GPATCH1: variants seen among roughly 807,000 people sequenced by gnomAD.
GPATCH1 encodes the protein G patch domain-containing protein 1.
A neutral mutation model predicts 114.9 loss-of-function variants in GPATCH1; 73 were observed. The ratio of observed to expected loss-of-function variants is 0.64; its 90% CI spans 0.53 to 0.77. The LOEUF is 0.77. Ranked by LOEUF, GPATCH1 falls within the 30% of genes least tolerant of loss-of-function variation. The pLI is 0.00. For missense variants in GPATCH1, 1,058 were observed against 1,144.3 expected (o/e 0.92, Z 1.09); for synonymous variants, 391 against 428.4 (o/e 0.91, Z 1.08).
In GPATCH1 at chr19:33,096,400, G is replaced by A; in HGVS notation, c.806G>A (p.Gly269Glu). 1 of 1,613,980 alleles carries A rather than the reference G, an allele frequency of 6.2e-7. No homozygotes were observed. Among genetic ancestry groups the A allele is most frequent in the Non-Finnish European group, 8.5e-7 (1 of 1,179,860 alleles). The change falls in exon 7 of 20, where the codon GGA (glycine) becomes GAA (glutamate). Residue 269 changes from glycine (G) to glutamate (E), a missense_variant. Transcript: ENST00000170564. ...GGTTCTGAGAGAGCTGGCGATCTTG[G>A]AGAAATTGGACTGAATAAAGGAAGA... is the stretch of plus-strand genomic sequence containing the variant. Reference protein sequence around the residue: ...SGGSERAGDLGEIGLNKGRKL... With the variant: ...SGGSERAGDLEEIGLNKGRKL...
At chr19:33,110,973 T>C (rs997643523) in intron 11 of GPATCH1, among the ~76,000 whole-genome samples, 2 of 148,834 alleles carry the variant, frequency 1.3e-5, no homozygotes, top group African/African-American at 4.9e-5. Context: ...AAAAAAGATA[T>C]ATATGTATAT....
intron 1 of GPATCH1, among the ~76,000 whole-genome samples, chr19:33,086,600 T>A (rs1219442521): frequency 6.6e-6 from 1 of 152,064 alleles, no homozygotes; most frequent in Non-Finnish European, 1.5e-5. Context: ...CGAGTAGTTC[T>A]GCCTGCCACC....
In GPATCH1 at chr19:33,088,030, A is replaced by G. The variant is rs907867417; in HGVS notation, c.74-104A>G. On this transcript the variant is annotated intron_variant, in intron 1 of 19. Coordinates refer to ENST00000170564, the MANE Select transcript of GPATCH1 (RefSeq NM_018025.3). ...TAAATGATTATATTTGAATTATAAG[A>G]AGTAAACAATTTATGATATTTAAAA... 1.6e-5 allele frequency: 10 copies of G among 609,264 alleles called. No individual in the cohort carries two copies. The African/African-American group carries it at 1.9e-4, about 11-fold the overall frequency. The allele number at this position is 609,264 out of a possible 1,614,324, so 37.7% of individuals were successfully genotyped here.
chr19:33,085,016 C>T (rs1343159848), intron 1 of GPATCH1, among the ~76,000 whole-genome samples: 1 of 146,350 alleles, frequency 6.8e-6, no homozygotes, highest in Non-Finnish European at 1.5e-5. Context: ...GGCTCTGTGT[C>T]CCTATCTGCA....
intron 19 of GPATCH1, among the ~76,000 whole-genome samples, chr19:33,127,743 C>T (rs1479994434): frequency 1.3e-5 from 2 of 152,092 alleles, no homozygotes; most frequent in African/African-American, 4.8e-5. Context: ...GAGTCTCGTT[C>T]TGTCACCCAG....
At chr19:33,105,203 G>C (rs1474780422) in intron 9 of GPATCH1, among the ~76,000 whole-genome samples, 1 of 151,700 alleles carries the variant, frequency 6.6e-6, no homozygotes, top group Non-Finnish European at 1.5e-5. Context: ...AGGCTGAGGC[G>C]GGTGGATCAT....
At chr19:33,125,254 C>G in intron 18 of GPATCH1, 52 bp downstream of exon 18, 1 of 1,558,400 alleles carries the variant, frequency 6.4e-7, no homozygotes, top group East Asian at 2.4e-5. Flanking sequence ...ACCCGCTGGT[C>G]AGCCCCCAGG....
chr19:33,081,941 C>T (rs183436348), intron 1 of GPATCH1, among the ~76,000 whole-genome samples: 2 of 119,748 alleles, frequency 1.7e-5, no homozygotes, highest in Non-Finnish European at 3.5e-5. Flanking sequence ...CTCCTGACTT[C>T]AAGTGATCCT....
intron 9 of GPATCH1, among the ~76,000 whole-genome samples, chr19:33,106,366 C>A (rs542083170): frequency 6.6e-6 from 1 of 152,258 alleles, no homozygotes; most frequent in African/African-American, 2.4e-5. Context: ...AGTGGGCCAG[C>A]CCTACCTGTA....
At chr19:33,097,338 C>T (rs1701666768) in intron 7 of GPATCH1, among the ~76,000 whole-genome samples, 1 of 152,198 alleles carries the variant, frequency 6.6e-6, no homozygotes, top group African/African-American at 2.4e-5. Context: ...AGGAGTTCTT[C>T]CAGCGGGCAG....
intron 17 of GPATCH1, among the ~76,000 whole-genome samples, chr19:33,121,505 G>T (rs907571609): frequency 1.3e-5 from 2 of 151,946 alleles, no homozygotes; most frequent in African/African-American, 4.8e-5. Flanking sequence ...TTTTAGTAGA[G>T]ATGGGGTTTC....
chr19:33,082,366 C>T (rs2145295067), intron 1 of GPATCH1, among the ~76,000 whole-genome samples: 1 of 152,254 alleles, frequency 6.6e-6, no homozygotes, highest in South Asian at 2.1e-4. Context: ...AATCATTGGG[C>T]CACAATTTAT....
At chr19:33,083,968 C>T (rs1452625885) in intron 1 of GPATCH1, among the ~76,000 whole-genome samples, 1 of 152,050 alleles carries the variant, frequency 6.6e-6, no homozygotes, top group African/African-American at 2.4e-5. Flanking sequence ...CACCACCATG[C>T]CCGGCTAATT....
chr19:33,100,888 G>A (rs893405088), intron 8 of GPATCH1, among the ~76,000 whole-genome samples: 2 of 151,838 alleles, frequency 1.3e-5, no homozygotes, highest in South Asian at 2.1e-4. Context: ...TCAAATCAAA[G>A]AGCTTTTGTT....
At chr19:33,127,977 G>C (rs1451489649) in intron 19 of GPATCH1, among the ~76,000 whole-genome samples, 1 of 152,140 alleles carries the variant, frequency 6.6e-6, no homozygotes, top group African/African-American at 2.4e-5. Flanking sequence ...CTTGGCCTCT[G>C]AGTGCCAGGA....
At chr19:33,117,766 G>A (rs550351896) in intron 15 of GPATCH1, 59 bp from the exon 16 acceptor site, 129 of 1,189,192 alleles carry the variant, frequency 1.1e-4, no homozygotes, top group Non-Finnish European at 1.5e-4. Context: ...ATTCTAGAAT[G>A]TCTCCTCCCT....
At chr19:33,097,985 A>C (rs879140650) in intron 8 of GPATCH1, 83 bp downstream of exon 8, 312 of 1,254,558 alleles carry the variant, frequency 2.5e-4, no homozygotes, top group Middle Eastern at 5.3e-4. Context: ...ATACAGGAGC[A>C]CCAGCCTCTG....
At chr19:33,096,497 ACTTT>A (rs766561673) in intron 7 of GPATCH1, 51 bp downstream of exon 7, 111 of 1,443,328 alleles carry the variant, frequency 7.7e-5, no homozygotes, top group African/African-American at 1.4e-4. Flanking sequence ...AAATGAGTCT[ACTTT>A]CTTTCTTTCT....
chr19:33,111,940 A>G (rs779921067), intron 12 of GPATCH1, 38 bp downstream of exon 12: 4 of 1,502,018 alleles, frequency 2.7e-6, no homozygotes, highest in Non-Finnish European at 3.7e-6. Context: ...GTGAACTTTA[A>G]TATTAAAGCA....
Sources: gnomAD v4.1 joint callset for allele counts (sites outside exome capture counted in the v4.1 genomes callset) on GRCh38, gnomAD v4.1.1 for gene constraint, MANE v1.5 for transcripts, NCBI Gene and HGNC (gene_info 2026-07-23, HGNC 2026-07-21) for gene names.